The following MAML3 variants were observed in gnomAD, a reference collection of about 807,000 sequenced individuals.
MAML3 encodes the protein mastermind-like protein 3.
A neutral mutation model predicts 101.9 loss-of-function variants in MAML3; 27 were observed. The ratio of observed to expected loss-of-function variants is 0.27; its 90% CI spans 0.20 to 0.37. The LOEUF (loss-of-function observed/expected upper bound fraction) is 0.37. MAML3 is among the 10% of genes least tolerant of loss of function. The probability of loss-of-function intolerance (pLI) is 1.00; values close to 1 mark genes in which losing one functional copy is unlikely to be tolerated. For missense variants in MAML3, 1,316 were observed against 1,444.9 expected, an observed-to-expected ratio of 0.91 and a Z score of 1.45; for synonymous variants, 501 against 555.9, an observed-to-expected ratio of 0.90 and a Z score of 1.39.
At chr4:139,971,254 C>T (rs144826235) in intron 1 of MAML3, among the ~76,000 whole-genome samples, 215 of 152,302 alleles carry the variant, frequency 1.4e-3, no homozygotes, top group African/African-American at 4.7e-3. Flanking sequence ...CAACTCATCA[C>T]GAGCCTCCCA....
intron 1 of MAML3, among the ~76,000 whole-genome samples, chr4:140,059,024 T>C (rs1000381720): frequency 1.3e-5 from 2 of 149,908 alleles, no homozygotes; most frequent in African/African-American, 2.5e-5. Flanking sequence ...GTGAAGATTG[T>C]TTTTTTCAAT....
intron 2 of MAML3, among the ~76,000 whole-genome samples, chr4:139,774,342 CTT>C: frequency 6.6e-6 from 1 of 152,232 alleles, no homozygotes; most frequent in East Asian, 1.9e-4. Flanking sequence ...GCAGGGATGA[CTT>C]ATGTCTATTT....
At chr4:139,773,927 T>C (rs1414054754) in intron 2 of MAML3, among the ~76,000 whole-genome samples, 3 of 152,212 alleles carry the variant, frequency 2.0e-5, no homozygotes, top group African/African-American at 7.2e-5. Context: ...TGTGAAACCA[T>C]ATGTATGGGT....
At chr4:139,857,967 A>G (rs1731693834) in intron 2 of MAML3, among the ~76,000 whole-genome samples, 1 of 152,202 alleles carries the variant, frequency 6.6e-6, no homozygotes, top group South Asian at 2.1e-4. Context: ...TGGTCTGACG[A>G]GTGCAGTCAC....
rs10024716 is a variant in MAML3, at chr4:140,016,682, G to A, written c.469-125715C>T. ...TTGACAGTTGCAAAAGCAATTTCAC[G>A]GAGGAAGGACAGACTTTTCAACAAA... On this transcript the variant is annotated intron_variant, in intron 1 of 4. Transcript: ENST00000509479. Among the ~76,000 whole-genome samples, 4 of 152,010 alleles carry A rather than the reference G, an allele frequency of 2.6e-5. No homozygotes were observed. In the East Asian group the frequency reaches 5.8e-4, roughly 22 times the overall value.
At chr4:140,055,262 A>G (rs1727332842) in intron 1 of MAML3, among the ~76,000 whole-genome samples, 1 of 152,180 alleles carries the variant, frequency 6.6e-6, no homozygotes, top group Non-Finnish European at 1.5e-5. Flanking sequence ...CTTCTTTGTC[A>G]TTTTTTGAAA....
intron 2 of MAML3, among the ~76,000 whole-genome samples, chr4:139,861,536 A>C (rs911892239): frequency 6.6e-6 from 1 of 150,500 alleles, no homozygotes; most frequent in African/African-American, 2.5e-5. Flanking sequence ...ACAACAATCA[A>C]GCAAAATAGG....
At chr4:140,124,856 C>T (rs903301740) in intron 1 of MAML3, among the ~76,000 whole-genome samples, 21 of 152,158 alleles carry the variant, frequency 1.4e-4, no homozygotes, top group African/African-American at 2.2e-4. Context: ...AGGGTCATGA[C>T]GAGAGCAATT....
chr4:140,110,382 ATCG>A (rs1296690538), intron 1 of MAML3, among the ~76,000 whole-genome samples: 1 of 152,216 alleles, frequency 6.6e-6, no homozygotes, highest in Non-Finnish European at 1.5e-5. Flanking sequence ...CACTTTACCT[ATCG>A]TCGTTTTTCC....
intron 1 of MAML3, among the ~76,000 whole-genome samples, chr4:139,911,910 G>A (rs908100573): frequency 3.3e-5 from 5 of 152,198 alleles, no homozygotes; most frequent in Non-Finnish European, 7.3e-5. Flanking sequence ...TTCTGTTACA[G>A]CAGCCTGGAA....
chr4:139,871,185 G>A (rs1732000705), intron 2 of MAML3, among the ~76,000 whole-genome samples: 1 of 152,090 alleles, frequency 6.6e-6, no homozygotes. Flanking sequence ...TCCTCAAGAA[G>A]TGGTTCGACT....
intron 1 of MAML3, among the ~76,000 whole-genome samples, chr4:139,908,745 T>C (rs184600901): frequency 3.3e-5 from 5 of 152,358 alleles, no homozygotes; most frequent in Admixed American, 3.3e-4. Flanking sequence ...GGAAAGTCTA[T>C]TGTATTCATA....
chr4:139,727,215 CGTT>C (rs762625570), intron 3 of MAML3, among the ~76,000 whole-genome samples: 2 of 152,194 alleles, frequency 1.3e-5, no homozygotes, highest in Non-Finnish European at 2.9e-5. Context: ...GCCTCTGACT[CGTT>C]GACCCCATCC....
chr4:140,062,450 A>C (rs1727463407), intron 1 of MAML3, among the ~76,000 whole-genome samples: 1 of 152,212 alleles, frequency 6.6e-6, no homozygotes, highest in South Asian at 2.1e-4. Context: ...TCTATGTTTA[A>C]GCAAGCCCAC....
At chr4:139,784,790 C>T (rs1730277113) in intron 2 of MAML3, among the ~76,000 whole-genome samples, 1 of 152,184 alleles carries the variant, frequency 6.6e-6, no homozygotes, top group Admixed American at 6.5e-5. Context: ...GCCCTCATCT[C>T]CGATCACTCT....
intron 2 of MAML3, among the ~76,000 whole-genome samples, chr4:139,874,660 A>C (rs1283038528): frequency 6.6e-6 from 1 of 152,220 alleles, no homozygotes; most frequent in Non-Finnish European, 1.5e-5. Context: ...AGGATTAAAA[A>C]AGTACAAATC....
intron 1 of MAML3, among the ~76,000 whole-genome samples, chr4:139,954,247 T>C (rs1292532510): frequency 2.0e-5 from 3 of 152,208 alleles, no homozygotes; most frequent in Non-Finnish European, 2.9e-5. Context: ...CCTGTGAAAA[T>C]GGCTGAACCC....
chr4:140,045,523 G>A (rs998589294), intron 1 of MAML3, among the ~76,000 whole-genome samples: 12 of 151,470 alleles, frequency 7.9e-5, no homozygotes, highest in African/African-American at 2.9e-4. Context: ...CTTCTAAAGT[G>A]TAATTCTAAA....
At chr4:139,947,199 T>C (rs1733747153) in intron 1 of MAML3, among the ~76,000 whole-genome samples, 1 of 152,214 alleles carries the variant, frequency 6.6e-6, no homozygotes, top group South Asian at 2.1e-4. Flanking sequence ...GAGATTTTCT[T>C]AAAATCTTCG....
Sources: gnomAD v4.1 joint callset for allele counts (sites outside exome capture counted in the v4.1 genomes callset) on GRCh38, gnomAD v4.1.1 for gene constraint, MANE v1.5 for transcripts, NCBI Gene and HGNC (gene_info 2026-07-23, HGNC 2026-07-21) for gene names.